Variants in DNAH11 observed in about 807,000 individuals in gnomAD.
The protein encoded by DNAH11 is axonemal beta dynein heavy chain 11.
A neutral mutation model predicts 526.0 loss-of-function variants in DNAH11; 442 were observed. That is an observed-to-expected ratio of 0.84 (90% CI 0.78 to 0.91). The LOEUF (loss-of-function observed/expected upper bound fraction) is 0.91. Ranked by LOEUF, DNAH11 falls within the 40% of genes least tolerant of loss-of-function variation. DNAH11 has a pLI of 0.00. For missense variants in DNAH11, 6,989 were observed against 5,448.7 expected, an observed-to-expected ratio of 1.28 and a Z score of -8.90; for synonymous variants, 2,461 against 1,935.9, an observed-to-expected ratio of 1.27 and a Z score of -7.12.
chr7:21,572,381 A>G (rs73682639), intron 8 of DNAH11, among the ~76,000 whole-genome samples: 366 of 152,284 alleles, frequency 2.4e-3, no homozygotes, highest in African/African-American at 8.3e-3. Flanking sequence ...TGTATCATTT[A>G]CATGTTGGTT....
rs1784475638 is a variant in DNAH11 at position 21,711,832 on chromosome 7, G to A, written c.6955G>A (p.Val2319Met). 4 of 1,613,622 alleles carry A rather than the reference G, an allele frequency of 2.5e-6. No homozygotes were observed. Among genetic ancestry groups the A allele is most frequent in the Non-Finnish European group, 3.4e-6 (4 of 1,179,692 alleles). The change falls in exon 42 of 82, where the codon GTG becomes ATG. Residue 2319 changes from valine (V) to methionine (M), a missense_variant. Physicochemically the swap from Val to Met is conservative, Grantham distance 21. Transcript: ENST00000409508. Reference protein sequence around the residue: ...ATVSRAGILYVNPQDLGWNPY... With the variant: ...ATVSRAGILYMNPQDLGWNPY... Reference sequence around the variant, plus strand: ...TGTTTCCAGAGCTGGTATTCTGTATGTGAACCCACAAGATCTGGGCTGGAA... The same window carrying A: ...TGTTTCCAGAGCTGGTATTCTGTATATGAACCCACAAGATCTGGGCTGGAA...
chr7:21,578,443 C>T (rs947985783), intron 8 of DNAH11, among the ~76,000 whole-genome samples: 1 of 152,252 alleles, frequency 6.6e-6, no homozygotes, highest in Non-Finnish European at 1.5e-5. Context: ...GGCAGCTCCA[C>T]CCCTGTGGCT....
At chr7:21,772,588 T>C (rs10241767) in intron 55 of DNAH11, among the ~76,000 whole-genome samples, 96,077 of 152,014 alleles carry the variant, frequency 0.63, 32,272 homozygotes, top group African/African-American at 0.85. Context: ...TTTTCTGAGT[T>C]CACTGTTTGG....
At chr7:21,764,537 C>T (rs1368093822) in intron 54 of DNAH11, among the ~76,000 whole-genome samples, 1 of 152,114 alleles carries the variant, frequency 6.6e-6, no homozygotes, top group Non-Finnish European at 1.5e-5. Flanking sequence ...CTCACGTACG[C>T]AGGGACTTGA....
intron 63 of DNAH11, among the ~76,000 whole-genome samples, chr7:21,814,891 C>A (rs1450941394): frequency 3.3e-5 from 5 of 152,014 alleles, no homozygotes; most frequent in African/African-American, 1.2e-4. Flanking sequence ...GAAAAAAATT[C>A]TGTATGTAGC....
At chr7:21,664,361 TG>T (rs1782346579) in intron 30 of DNAH11, among the ~76,000 whole-genome samples, 1 of 152,050 alleles carries the variant, frequency 6.6e-6, no homozygotes, top group South Asian at 2.1e-4. Flanking sequence ...CTGTAGGAAT[TG>T]TCTTCCCTAA....
At chr7:21,896,053 A>G (rs1347730855) in intron 79 of DNAH11, among the ~76,000 whole-genome samples, 3 of 152,166 alleles carry the variant, frequency 2.0e-5, no homozygotes, top group Non-Finnish European at 2.9e-5. Context: ...TTCTAACACA[A>G]TGTTAGAGCC....
At chr7:21,881,475 A>G (rs1250462254) in intron 75 of DNAH11, among the ~76,000 whole-genome samples, 1 of 152,232 alleles carries the variant, frequency 6.6e-6, no homozygotes, top group East Asian at 1.9e-4. Flanking sequence ...ACAGATGGGA[A>G]TGGGAATGCC....
intron 30 of DNAH11, among the ~76,000 whole-genome samples, chr7:21,676,458 A>T (rs1170281440): frequency 6.6e-6 from 1 of 152,250 alleles, no homozygotes; most frequent in Non-Finnish European, 1.5e-5. Flanking sequence ...CCCAAATAAT[A>T]GACATTTTAT....
chr7:21,892,203 C>T (rs911439488), intron 76 of DNAH11, among the ~76,000 whole-genome samples: 1 of 152,116 alleles, frequency 6.6e-6, no homozygotes, highest in African/African-American at 2.4e-5. Context: ...ACTGAGTCTT[C>T]TTAGGGATAG....
chr7:21,878,033 T>C (rs1357342599), intron 74 of DNAH11, among the ~76,000 whole-genome samples: 1 of 152,178 alleles, frequency 6.6e-6, no homozygotes, highest in Non-Finnish European at 1.5e-5. Context: ...TAATTGATCA[T>C]TGTGCATATA....
chr7:21,658,162 A>T (rs184785643), intron 29 of DNAH11, among the ~76,000 whole-genome samples: 8,503 of 151,090 alleles, frequency 0.056, 254 homozygotes, highest in Non-Finnish European at 0.061. Flanking sequence ...CAATTTTTTA[A>T]AAAAAAAAAG....
chr7:21,543,542 G>A lies in DNAH11; in HGVS notation c.297G>A (p.Pro99=), dbSNP rs886038461. Residue 99 remains proline (P), a synonymous_variant, in exon 1 of 82, where the codon CCG becomes CCA. Coordinates refer to ENST00000409508, the MANE Select transcript of DNAH11 (RefSeq NM_001277115.2). The stretch of plus-strand genomic sequence containing the variant: ...GGGAGTTTCTGGAAAGCACCAGCCC[G>A]GCTTGCCTTGTGTTTAGCTTCGCCG... The part of the protein sequence containing the change: ...VLGEFLESTS[P]ACLVFSFAAS... 3.1e-6 allele frequency: 5 copies of A among 1,609,144 alleles called. No individual in the cohort carries two copies. The highest frequency in any genetic ancestry group is 4.2e-6 in the Non-Finnish European group (5 of 1,177,836).
intron 5 of DNAH11, 38 bp from the exon 6 acceptor site, chr7:21,564,148 A>G (rs1783571378): frequency 1.4e-6 from 2 of 1,451,876 alleles, no homozygotes; most frequent in Admixed American, 2.4e-5. Flanking sequence ...AAAAAAAAAC[A>G]AACCAGAATC....
At chr7:21,763,862 A>G (rs1420444429) in intron 54 of DNAH11, among the ~76,000 whole-genome samples, 2 of 151,250 alleles carry the variant, frequency 1.3e-5, no homozygotes, top group African/African-American at 2.4e-5. Context: ...ATTTTCATCT[A>G]TAAAACAAAA....
chr7:21,617,527 G>T (rs770345911), intron 22 of DNAH11, 92 bp from the exon 23 acceptor site: 220 of 1,413,596 alleles, frequency 1.6e-4, no homozygotes, highest in Non-Finnish European at 2.0e-4. Context: ...TTCTAATCCA[G>T]GAGTTGGGAA....
rs1472494326 is a variant in DNAH11, at chr7:21,787,408, AT to A, written c.9755del (p.Leu3252CysfsTer4). 1 of 1,602,534 alleles carries A rather than the reference AT, an allele frequency of 6.2e-7. No homozygotes were observed. The highest frequency in any genetic ancestry group is 1.7e-5 in the Admixed American group (1 of 58,222). The stretch of plus-strand genomic sequence containing the variant: ...AATCTTTTTGCTTTGCAGGTTGATG[AT>A]TTTTTGCAAGCATTAATTAACTATG... Reference protein sequence around the residue: ...AAKVFMGKVDDFLQALINYDK... With the variant: ...AAKVFMGKVDXFLQALINYDK... On this transcript the variant is annotated frameshift_variant, in exon 60 of 82. Transcript: ENST00000409508. LOFTEE classifies it high-confidence loss of function.
chr7:21,787,293 A>G, intron 59 of DNAH11, 108 bp from the exon 60 acceptor site: 2 of 1,078,082 alleles, frequency 1.9e-6, no homozygotes, highest in Non-Finnish European at 2.6e-6. Context: ...GCAGCTTGCC[A>G]ATTTTGCTTT....
At chr7:21,869,169 C>T (rs184817413) in intron 73 of DNAH11, among the ~76,000 whole-genome samples, 178 bp downstream of exon 73, 31 of 152,280 alleles carry the variant, frequency 2.0e-4, no homozygotes, top group Admixed American at 1.1e-3. Context: ...CTGCGGACAG[C>T]GATGGCTGTC....
Sources: allele counts gnomAD v4.1 joint callset (sites outside exome capture counted in the v4.1 genomes callset), GRCh38; gene constraint gnomAD v4.1.1; transcripts MANE v1.5; gene names NCBI Gene and HGNC (gene_info 2026-07-23, HGNC 2026-07-21).